MED1: variants seen among roughly 807,000 people sequenced by gnomAD.
MED1 encodes the protein mediator of RNA polymerase II transcription subunit 1.
Under a neutral mutation model 121.3 loss-of-function variants are expected in MED1, and 17 were observed. That is an observed-to-expected ratio of 0.14 (90% CI 0.10 to 0.21). The LOEUF (loss-of-function observed/expected upper bound fraction) is 0.21, where lower values mean the gene tolerates loss of function less well. Ranked by LOEUF, MED1 falls within the 10% of genes least tolerant of loss-of-function variation. The probability of loss-of-function intolerance (pLI) is 1.00; values close to 1 mark genes in which losing one functional copy is unlikely to be tolerated. For missense variants in MED1, 1,558 were observed against 1,919.4 expected (o/e 0.81, Z 3.52); for synonymous variants, 661 against 694.4 (o/e 0.95, Z 0.76).
Position 39,407,838 on chromosome 17 carries a change from C to T in MED1, c.4383G>A (p.Leu1461=), listed in dbSNP as rs773917010. ...SKSPAYTPQN[L]DSESESGSSI... ...AGGAGCCTGACTCACTTTCACTGTC[C>T]AGATTCTGGGGGGTATATGCTGGTG... The change falls in exon 17 of 17, where the codon CTG becomes CTA. Residue 1461 remains leucine (L), a synonymous_variant. Coordinates refer to ENST00000300651, the MANE Select transcript of MED1 (RefSeq NM_004774.4). 1 of 1,613,980 alleles carries T rather than the reference C, an allele frequency of 6.2e-7. No individual in the cohort carries two copies. Among genetic ancestry groups the T allele is most frequent in the African/African-American group, 1.3e-5 (1 of 74,894 alleles).
At chr17:39,411,487 C>T (rs562747568) in intron 16 of MED1, among the ~76,000 whole-genome samples, 3 of 151,114 alleles carry the variant, frequency 2.0e-5, no homozygotes, top group African/African-American at 4.9e-5. Flanking sequence ...CCAGCCGTGG[C>T]GGTGCACAGC....
rs751667285 is a variant in MED1, at chr17:39,423,699, G to A, written c.974C>T (p.Thr325Ile). 8 of 1,613,860 alleles carry A rather than the reference G, an allele frequency of 5.0e-6. No individual in the cohort carries two copies. Among genetic ancestry groups the A allele is most frequent in the Non-Finnish European group, 5.9e-6 (7 of 1,179,962 alleles). The change falls in exon 12 of 17, where the codon ACA becomes ATA. Residue 325 changes from threonine to isoleucine, a missense_variant and splice_region_variant. Thr to Ile is a moderately conservative substitution (Grantham distance 89). This residue lies in a region of MED1 where 443 missense variants were observed against 532.4 expected (regional missense o/e 0.83). Coordinates refer to ENST00000300651, the MANE Select transcript of MED1 (RefSeq NM_004774.4). ...AGATCCTGATGCTCAAAACTCACCT[G>A]TGCAGTTCTGCAGTTTCTGAACAAA... is the stretch of plus-strand genomic sequence containing the variant. ...RAFVQKLQNCTGIPLFETQPT... is the reference protein window; with the variant it reads ...RAFVQKLQNCIGIPLFETQPT...
chr17:39,424,011 T>G (rs1163045025), intron 11 of MED1, among the ~76,000 whole-genome samples, 190 bp from the exon 12 acceptor site: 1 of 151,862 alleles, frequency 6.6e-6, no homozygotes, highest in African/African-American at 2.4e-5. Context: ...GCTTCGTGAG[T>G]AGCTGGGACT....
chr17:39,409,262 C>T lies in MED1; in HGVS notation c.2959G>A (p.Gly987Arg), dbSNP rs759693158. ...CGCTTCCCTGGTTTGCTGTCTAATC[C>T]GGGCCCCGAGAGAGTACTATTACTG... ...GTSNSTLSGP[G>R]LDSKPGKRSR... Residue 987 changes from glycine (G) to arginine (R), a missense_variant, in exon 17 of 17, where the codon GGA becomes AGA. Gly to Arg is a moderately radical substitution (Grantham distance 125). Transcript: ENST00000300651. 37 of 1,614,084 alleles carry T rather than the reference C, an allele frequency of 2.3e-5. No individual in the cohort carries two copies. Among genetic ancestry groups the T allele is most frequent in the Non-Finnish European group, 3.0e-5 (35 of 1,180,012 alleles).
At chr17:39,423,566 A>C in intron 12 of MED1, 121 bp from the exon 13 acceptor site, 1 of 1,445,908 alleles carries the variant, frequency 6.9e-7, no homozygotes, top group Non-Finnish European at 9.7e-7. Context: ...TACTAGTACA[A>C]AGCACTATAA....
chr17:39,415,965 G>C (rs2048405829), intron 14 of MED1, among the ~76,000 whole-genome samples: 1 of 151,058 alleles, frequency 6.6e-6, no homozygotes, highest in South Asian at 2.1e-4. Context: ...ACCCCAGCCT[G>C]GGAAACAGAG....
intron 14 of MED1, among the ~76,000 whole-genome samples, chr17:39,415,792 G>A (rs964760566): frequency 1.4e-5 from 2 of 139,962 alleles, no homozygotes; most frequent in Middle Eastern, 3.9e-3. Flanking sequence ...ACTCCAGCCT[G>A]GGCAAGAGTA....
At chr17:39,427,554 T>G (rs2048525810) in intron 10 of MED1, 147 bp downstream of exon 10, 2 of 584,744 alleles carry the variant, frequency 3.4e-6, no homozygotes, top group East Asian at 5.8e-5. Flanking sequence ...TATGTACTTG[T>G]GAACACACAT....
chr17:39,420,858 C>T lies in MED1; in HGVS notation c.1096-940G>A, dbSNP rs1368650921. Among the ~76,000 whole-genome samples, 5 of 144,112 alleles carry T rather than the reference C, an allele frequency of 3.5e-5. No individual in the cohort carries two copies. In the South Asian group the frequency reaches 7.0e-4, roughly 20 times the overall value. 94.5% of individuals were successfully genotyped at this position (144,112 alleles called of 152,430 possible). Reference sequence around the variant, plus strand: ...TAGCTCAGGCTGGAGTGCAGTGGCACGATCTCTGCTCGCTGCAAGCTCCAC... The same window carrying T: ...TAGCTCAGGCTGGAGTGCAGTGGCATGATCTCTGCTCGCTGCAAGCTCCAC... On this transcript the variant is annotated intron_variant, in intron 13 of 16. Transcript: ENST00000300651.
At position 39,407,581 on chromosome 17, in the gene MED1, G is replaced by A. The variant is rs1378872628; in HGVS notation, c.4640C>T (p.Thr1547Ile). The A allele has an allele frequency of 1.2e-6, 2 of 1,613,962 alleles. No individual in the cohort carries two copies. The highest frequency in any genetic ancestry group is 1.7e-6 in the Non-Finnish European group (2 of 1,180,020). Reference sequence around the variant, plus strand: ...GTCTGCAGATAAGATTGTGTTACTTGTCATAGACAAGGACTGGTCTGAAGA... The same window carrying A: ...GTCTGCAGATAAGATTGTGTTACTTATCATAGACAAGGACTGGTCTGAAGA... ...PISSDQSLSMTSNTILSADRP... is the reference protein window; with the variant it reads ...PISSDQSLSMISNTILSADRP... Residue 1547 changes from threonine (T) to isoleucine (I), a missense_variant, in exon 17 of 17, where the codon ACA becomes ATA. By Grantham distance (89) the Thr-to-Ile change is moderately conservative. This residue lies in a region of MED1 where 264 missense variants were observed against 326.1 expected (regional missense o/e 0.81). Coordinates refer to ENST00000300651, the MANE Select transcript of MED1 (RefSeq NM_004774.4).
rs748499861 is a variant in MED1, at chr17:39,408,577, G to A, written c.3644C>T (p.Thr1215Ile). ...GGACTTGGCTTTAGAGGATGGAGGA[G>A]TTCCAGGAACAGGCTTCATTGGAGA... ...LASPMKPVPG[T>I]PPSSKAKSPI... The change falls in exon 17 of 17, where the codon ACT (threonine) becomes ATT (isoleucine). Residue 1215 changes from threonine to isoleucine, a missense_variant. Physicochemically the swap from Thr to Ile is moderately conservative, Grantham distance 89 (BLOSUM62 -1). Around this residue, in one of 5 missense-constraint regions of MED1, gnomAD observed 793 missense variants for 898.2 expected, o/e 0.88. Coordinates refer to ENST00000300651, the MANE Select transcript of MED1 (RefSeq NM_004774.4). This position sits in a 1 kb window ranked among gnomAD's most constrained non-coding sequence, Gnocchi z 4.7. The A allele has an allele frequency of 1.2e-6, 2 of 1,614,238 alleles. No individual in the cohort carries two copies. The highest frequency in any genetic ancestry group is 2.2e-5 in the South Asian group (2 of 91,082).
chr17:39,448,357 G>A (rs1259477765), intron 1 of MED1, among the ~76,000 whole-genome samples: 5 of 149,888 alleles, frequency 3.3e-5, no homozygotes, highest in African/African-American at 9.8e-5. Flanking sequence ...GCAACAGAGC[G>A]AAACACTGTC....
At chr17:39,443,387 C>G (rs1373101006) in intron 3 of MED1, among the ~76,000 whole-genome samples, 163 bp downstream of exon 3, 1 of 152,116 alleles carries the variant, frequency 6.6e-6, no homozygotes, top group African/African-American at 2.4e-5. Flanking sequence ...ATGTTTCAAA[C>G]TTTAGCAAAA....
chr17:39,444,751 C>T (rs2048710188), intron 2 of MED1, among the ~76,000 whole-genome samples: 1 of 151,996 alleles, frequency 6.6e-6, no homozygotes, highest in Admixed American at 6.6e-5. Flanking sequence ...CGCCTGTAGT[C>T]CCAGCTACTC....
In MED1 at chr17:39,405,360, A is replaced by G. The variant is rs6503513; in HGVS notation, c.*2115T>C. The G allele has an allele frequency of 0.21, 329,381 of 1,574,154 alleles. 43,655 individuals are homozygous for G. Among genetic ancestry groups the G allele is most frequent in the African/African-American group, 0.65 (48,099 of 74,270 alleles). On this transcript the variant is annotated 3_prime_UTR_variant, in exon 17 of 17. Transcript: ENST00000300651. ...AGCTTCCCAGTTTACTCATTTTGGTATTTGTTGGCCCTGCATGGGGGAGCT... is the reference window on the plus strand; with the variant it reads ...AGCTTCCCAGTTTACTCATTTTGGTGTTTGTTGGCCCTGCATGGGGGAGCT...
intron 14 of MED1, among the ~76,000 whole-genome samples, chr17:39,419,185 G>T (rs958005231): frequency 1.3e-5 from 2 of 151,924 alleles, no homozygotes; most frequent in Admixed American, 1.3e-4. Flanking sequence ...AGGCTCAAGC[G>T]ACAATCCTCC....
intron 2 of MED1, among the ~76,000 whole-genome samples, chr17:39,447,522 G>A (rs1004564275): frequency 2.6e-5 from 4 of 151,996 alleles, no homozygotes; most frequent in South Asian, 2.1e-4. Flanking sequence ...TAAATTATGT[G>A]TTTAGACTTG....
At position 39,405,847 on chromosome 17, in the gene MED1, A is replaced by T. The variant is rs2048298738; in HGVS notation, c.*1628T>A. The T allele has an allele frequency of 1.0e-6, 1 of 985,828 alleles. No homozygotes were observed. The highest frequency in any genetic ancestry group is 1.7e-5 in the African/African-American group (1 of 57,310). The allele number at this position is 985,828 out of a possible 1,614,324, so 61.1% of individuals were successfully genotyped here. A position where few individuals can be genotyped will look rare whatever the true frequency, so the allele number is the denominator to read the frequency against. On this transcript the variant is annotated 3_prime_UTR_variant, in exon 17 of 17. Coordinates refer to ENST00000300651, the MANE Select transcript of MED1 (RefSeq NM_004774.4). Reference sequence around the variant, plus strand: ...ACCTGCAGAAAAAGCTGAATATAGAAATCTTCTTCCATATATGATGAAGTC... The same window carrying T: ...ACCTGCAGAAAAAGCTGAATATAGATATCTTCTTCCATATATGATGAAGTC...
chr17:39,424,583 T>G (rs745385151), intron 11 of MED1, 44 bp downstream of exon 11: 38 of 1,322,264 alleles, frequency 2.9e-5, no homozygotes, highest in Non-Finnish European at 3.7e-5. Context: ...TACTGCGCTT[T>G]GAGAAAAATT....
Sources: allele counts gnomAD v4.1 joint callset (sites outside exome capture counted in the v4.1 genomes callset), GRCh38; gene constraint gnomAD v4.1.1; regional missense constraint gnomAD v4.1.1; non-coding constraint Gnocchi (gnomAD v3.1); transcripts MANE v1.5; gene names NCBI Gene and HGNC (gene_info 2026-07-23, HGNC 2026-07-21).